The following NECAB1 variants were observed in gnomAD, a reference collection of about 807,000 sequenced individuals.
NECAB1 encodes the protein N-terminal EF-hand calcium binding protein 1, also known as N-terminal EF-hand calcium-binding protein 1.
In NECAB1, 29 loss-of-function variants were observed where a neutral mutation model predicts 57.5. That is an observed-to-expected ratio of 0.50 (90% CI 0.38 to 0.69). NECAB1 has a LOEUF of 0.69. NECAB1 is among the 30% of genes least tolerant of loss of function. The probability of loss-of-function intolerance (pLI) is 0.00; values close to 1 mark genes in which losing one functional copy is unlikely to be tolerated. For missense variants in NECAB1, 372 were observed against 413.8 expected (o/e 0.90, Z 0.88); for synonymous variants, 142 against 147.7 (o/e 0.96, Z 0.28).
At chr8:90,885,191 G>A (rs754361245) in intron 5 of NECAB1, among the ~76,000 whole-genome samples, 17 of 152,170 alleles carry the variant, frequency 1.1e-4, no homozygotes, top group African/African-American at 2.9e-4. Context: ...ACACAGTGGC[G>A]TAGATGAGTA....
intron 8 of NECAB1, among the ~76,000 whole-genome samples, chr8:90,933,567 G>A (rs1357469076): frequency 6.6e-6 from 1 of 152,038 alleles, no homozygotes; most frequent in Non-Finnish European, 1.5e-5. Context: ...AGACTTTGGG[G>A]ACTCAGGAGA....
At chr8:90,847,401 G>A (rs1483644920) in intron 3 of NECAB1, among the ~76,000 whole-genome samples, 1 of 152,218 alleles carries the variant, frequency 6.6e-6, no homozygotes, top group African/African-American at 2.4e-5. Flanking sequence ...GCTGCCTTCA[G>A]GGGCTGGCAT....
intron 3 of NECAB1, among the ~76,000 whole-genome samples, chr8:90,842,712 C>T (rs1812474732): frequency 6.6e-6 from 1 of 152,226 alleles, no homozygotes; most frequent in Admixed American, 6.5e-5. Flanking sequence ...CAAGAAAATG[C>T]TGTCATTTAG....
At chr8:90,910,876 T>C (rs1311201256) in intron 5 of NECAB1, among the ~76,000 whole-genome samples, 1 of 152,168 alleles carries the variant, frequency 6.6e-6, no homozygotes, top group Non-Finnish European at 1.5e-5. Context: ...CCCATTGTGT[T>C]CCTTTGTTTC....
chr8:90,938,036 C>T (rs2677581), intron 9 of NECAB1, among the ~76,000 whole-genome samples: 1 of 151,968 alleles, frequency 6.6e-6, no homozygotes, highest in Non-Finnish European at 1.5e-5. Context: ...TGTAAATGTA[C>T]TAAATAGAAC....
At chr8:90,869,746 G>C (rs1169553979) in intron 3 of NECAB1, among the ~76,000 whole-genome samples, 1 of 152,188 alleles carries the variant, frequency 6.6e-6, no homozygotes, top group Admixed American at 6.5e-5. Flanking sequence ...GAAGGGACTT[G>C]CCTTGTCTCA....
chr8:90,791,913 G>A lies in NECAB1; in HGVS notation c.27G>A (p.Pro9=). The part of the protein sequence containing the change: MEDSQETS[P]SSNNSSEELS... ...TGGAAGATTCCCAGGAGACATCGCCGTCCTCCAACAACTCCTCGGAGGAGC... is the reference window on the plus strand; with the variant it reads ...TGGAAGATTCCCAGGAGACATCGCCATCCTCCAACAACTCCTCGGAGGAGC... The change falls in exon 1 of 13, where the codon CCG becomes CCA. Residue 9 remains proline (P), a synonymous_variant. Transcript: ENST00000417640. The A allele has an allele frequency of 6.4e-7, 1 of 1,552,032 alleles. No individual in the cohort carries two copies. Among genetic ancestry groups the A allele is most frequent in the Non-Finnish European group, 8.7e-7 (1 of 1,147,328 alleles).
chr8:90,837,731 C>A (rs917972008), intron 3 of NECAB1, among the ~76,000 whole-genome samples: 4 of 152,228 alleles, frequency 2.6e-5, no homozygotes, highest in African/African-American at 9.6e-5. Flanking sequence ...GTCTCTTCCA[C>A]TGGCTTCTCT....
intron 8 of NECAB1, among the ~76,000 whole-genome samples, chr8:90,929,874 G>C (rs1426572225): frequency 6.6e-6 from 1 of 152,150 alleles, no homozygotes; most frequent in East Asian, 1.9e-4. Context: ...CAGTAGATTG[G>C]CCTGGTTAAG....
chr8:90,835,558 A>G (rs117779488), intron 3 of NECAB1, among the ~76,000 whole-genome samples: 1 of 151,858 alleles, frequency 6.6e-6, no homozygotes, highest in African/African-American at 2.4e-5. Context: ...TAATAATAAT[A>G]ATTATTATTA....
At chr8:90,795,692 T>A (rs1811648200) in intron 1 of NECAB1, among the ~76,000 whole-genome samples, 1 of 141,186 alleles carries the variant, frequency 7.1e-6, no homozygotes, top group Non-Finnish European at 1.5e-5. Flanking sequence ...ACACCTCCCA[T>A]CTCACCTCAT....
rs1263452762 is a variant in NECAB1 at position 90,925,592 on chromosome 8, C to T, written c.552C>T (p.Ser184=). ...TTCAATGGCCTGGAAAACGATCAAG[C>T]CGCCGAGTCCAGAGACACAACAGCT... ...LSIQWPGKRS[S]RRVQRHNSFS... The change falls in exon 7 of 13, where the codon AGC becomes AGT. Residue 184 remains serine (S), a synonymous_variant. Coordinates refer to ENST00000417640, the MANE Select transcript of NECAB1 (RefSeq NM_022351.5). The T allele has an allele frequency of 6.2e-7, 1 of 1,613,530 alleles. No homozygotes were observed. The highest frequency in any genetic ancestry group is 2.2e-5 in the East Asian group (1 of 44,812).
chr8:90,830,261 T>A (rs1209975979), intron 3 of NECAB1, among the ~76,000 whole-genome samples: 1 of 152,058 alleles, frequency 6.6e-6, no homozygotes, highest in African/African-American at 2.4e-5. Context: ...CTGCTTAACA[T>A]AGCTTATACC....
intron 5 of NECAB1, among the ~76,000 whole-genome samples, chr8:90,883,601 G>A (rs553875273): frequency 2.0e-5 from 3 of 152,114 alleles, no homozygotes; most frequent in Non-Finnish European, 2.9e-5. Flanking sequence ...TAAACTCCAG[G>A]AAGTGACTGA....
At chr8:90,840,113 A>C (rs1812431341) in intron 3 of NECAB1, among the ~76,000 whole-genome samples, 2 of 152,364 alleles carry the variant, frequency 1.3e-5, no homozygotes, top group Admixed American at 1.3e-4. Context: ...TAACAACAAC[A>C]ATAATAATGG....
At chr8:90,881,499 A>G (rs569588741) in intron 5 of NECAB1, among the ~76,000 whole-genome samples, 16 of 152,286 alleles carry the variant, frequency 1.1e-4, no homozygotes, top group South Asian at 2.1e-4. Flanking sequence ...TGGATCACCA[A>G]TCCCCCAGTG....
intron 10 of NECAB1, among the ~76,000 whole-genome samples, chr8:90,946,304 CTCTTTGTCAGAGTG>C (rs1284499732): frequency 6.6e-6 from 1 of 152,230 alleles, no homozygotes; most frequent in Non-Finnish European, 1.5e-5. Flanking sequence ...GGTTTCCTAA[CTCTTTGTCAGAGTG>C]CAGCTTTTGG....
At chr8:90,862,772 T>C (rs1431038518) in intron 3 of NECAB1, among the ~76,000 whole-genome samples, 1 of 101,388 alleles carries the variant, frequency 9.9e-6, no homozygotes, top group Non-Finnish European at 1.9e-5. Flanking sequence ...AAATATAAAG[T>C]ATATGAAAAG....
At chr8:90,856,159 T>C (rs961264829) in intron 3 of NECAB1, among the ~76,000 whole-genome samples, 2 of 152,192 alleles carry the variant, frequency 1.3e-5, no homozygotes, top group Non-Finnish European at 2.9e-5. Context: ...AGACTAGTTT[T>C]GGAGACTCTG....
Sources: gnomAD v4.1 joint callset for allele counts (sites outside exome capture counted in the v4.1 genomes callset) on GRCh38, gnomAD v4.1.1 for gene constraint, MANE v1.5 for transcripts, NCBI Gene and HGNC (gene_info 2026-07-23, HGNC 2026-07-21) for gene names.